The following CDH13 variants were observed in gnomAD, a reference collection of about 807,000 sequenced individuals.
CDH13 encodes the protein cadherin-13.
In CDH13, 24 loss-of-function variants were observed where a neutral mutation model predicts 63.8. The observed-to-expected ratio is 0.38, with a 90% CI of 0.27 to 0.53. The LOEUF (loss-of-function observed/expected upper bound fraction) is 0.53, where lower values mean the gene tolerates loss of function less well. Ranked by LOEUF, CDH13 falls within the 20% of genes least tolerant of loss-of-function variation. The pLI, the probability that CDH13 is intolerant of heterozygous loss-of-function variation, is 0.85. For synonymous variants in CDH13, 503 were observed against 355.3 expected, an observed-to-expected ratio of 1.42 and a Z score of -4.67; for missense variants, 1,049 against 903.1, an observed-to-expected ratio of 1.16 and a Z score of -2.07.
chr16:83,082,245 A>G (rs2033303029), intron 3 of CDH13, among the ~76,000 whole-genome samples: 2 of 152,192 alleles, frequency 1.3e-5, no homozygotes, highest in South Asian at 2.1e-4. Context: ...TCTTTCTCAC[A>G]TGCAAAATGT....
At chr16:83,593,727 C>T (rs927822965) in intron 7 of CDH13, among the ~76,000 whole-genome samples, 2 of 152,008 alleles carry the variant, frequency 1.3e-5, no homozygotes, top group African/African-American at 4.8e-5. Context: ...TGTTACATAG[C>T]TATGATGTCC....
chr16:82,680,679 T>C (rs1425783072), intron 1 of CDH13, among the ~76,000 whole-genome samples: 1 of 152,124 alleles, frequency 6.6e-6, no homozygotes, highest in East Asian at 1.9e-4. Flanking sequence ...ATGAATGACA[T>C]TTAATAGACT....
intron 1 of CDH13, among the ~76,000 whole-genome samples, chr16:82,855,568 T>C (rs1350477410): frequency 6.6e-6 from 1 of 152,198 alleles, no homozygotes; most frequent in Non-Finnish European, 1.5e-5. Flanking sequence ...CAGCAGATTT[T>C]TCTGACTCCT....
chr16:82,860,328 C>A lies in CDH13; in HGVS notation c.157+1855C>A, dbSNP rs578144764. Among the ~76,000 whole-genome samples, 5 of 129,086 alleles carry A rather than the reference C, an allele frequency of 3.9e-5. No homozygotes were observed. In the East Asian group the frequency reaches 7.1e-4, roughly 18 times the overall value. The allele number at this position is 129,086 out of a possible 152,430, so 84.7% of individuals were successfully genotyped here. A position where few individuals can be genotyped will look rare whatever the true frequency, so the allele number is the denominator to read the frequency against. The stretch of plus-strand genomic sequence containing the variant: ...GGAAACAATCATACTTTGGGGGGAT[C>A]TTTTTAATTTAAAGTAAGCCATACT... On this transcript the variant is annotated intron_variant, in intron 2 of 13. Coordinates refer to ENST00000567109, the MANE Select transcript of CDH13 (RefSeq NM_001257.5).
At chr16:82,882,938 A>G (rs1399945556) in intron 2 of CDH13, among the ~76,000 whole-genome samples, 6 of 152,148 alleles carry the variant, frequency 3.9e-5, no homozygotes, top group African/African-American at 1.4e-4. Flanking sequence ...CTACCCCTTT[A>G]ATGGGAGGGT....
chr16:83,327,830 A>G (rs1171787391), intron 5 of CDH13, among the ~76,000 whole-genome samples: 1 of 152,198 alleles, frequency 6.6e-6, no homozygotes, highest in Non-Finnish European at 1.5e-5. Context: ...AAAGACCCCA[A>G]AATAAAAATT....
intron 1 of CDH13, among the ~76,000 whole-genome samples, chr16:82,786,854 A>G (rs369563496): frequency 1.3e-5 from 2 of 152,082 alleles, no homozygotes; most frequent in African/African-American, 4.8e-5. Flanking sequence ...CTATGGCTGC[A>G]TAGTATTCCA....
At chr16:82,731,613 T>A (rs1294380062) in intron 1 of CDH13, among the ~76,000 whole-genome samples, 1 of 152,208 alleles carries the variant, frequency 6.6e-6, no homozygotes, top group African/African-American at 2.4e-5. Context: ...TTCATTTAAA[T>A]GGAAATGGCA....
chr16:83,777,152 G>A (rs991538994), intron 11 of CDH13, among the ~76,000 whole-genome samples: 2 of 152,208 alleles, frequency 1.3e-5, no homozygotes, highest in Non-Finnish European at 1.5e-5. Context: ...CCTGCCTGCA[G>A]GGTCTCACAT....
chr16:82,769,423 G>T (rs2035177692), intron 1 of CDH13, among the ~76,000 whole-genome samples: 1 of 152,148 alleles, frequency 6.6e-6, no homozygotes, highest in Non-Finnish European at 1.5e-5. Flanking sequence ...GTTAGAAAAT[G>T]GGGTATTAAA....
intron 2 of CDH13, among the ~76,000 whole-genome samples, chr16:83,006,458 C>T (rs1231510499): frequency 6.6e-6 from 1 of 152,082 alleles, no homozygotes; most frequent in Non-Finnish European, 1.5e-5. Context: ...CTTTCAGGGA[C>T]AAATCAAAGG....
chr16:82,959,728 A>G (rs904725294), intron 2 of CDH13, among the ~76,000 whole-genome samples: 1 of 152,238 alleles, frequency 6.6e-6, no homozygotes, highest in Admixed American at 6.5e-5. Context: ...ATATAAGTTT[A>G]TAAGTTCCTT....
intron 8 of CDH13, among the ~76,000 whole-genome samples, chr16:83,656,866 T>C (rs1041750171): frequency 6.6e-6 from 1 of 152,186 alleles, no homozygotes; most frequent in African/African-American, 2.4e-5. Context: ...GCATTTCATC[T>C]CTCCAAGTCA....
chr16:82,628,138 C>G (rs1351424588), intron 1 of CDH13, among the ~76,000 whole-genome samples: 1 of 152,194 alleles, frequency 6.6e-6, no homozygotes, highest in East Asian at 1.9e-4. Flanking sequence ...GGGGCACGCC[C>G]TGCGCTGCTC....
intron 4 of CDH13, among the ~76,000 whole-genome samples, chr16:83,188,693 T>A (rs950227075): frequency 6.6e-6 from 1 of 152,246 alleles, no homozygotes; most frequent in Non-Finnish European, 1.5e-5. Flanking sequence ...ATGAATATTA[T>A]TAAGTTTCCT....
At chr16:82,836,127 C>T (rs2549140) in intron 1 of CDH13, among the ~76,000 whole-genome samples, 136,525 of 152,178 alleles carry the variant, frequency 0.9, 62,272 homozygotes, top group East Asian at 0.99. Flanking sequence ...ATTTTGTTTG[C>T]TTGTTTTTGT....
At chr16:83,015,945 G>A (rs1914751550) in intron 2 of CDH13, among the ~76,000 whole-genome samples, 1 of 151,724 alleles carries the variant, frequency 6.6e-6, no homozygotes, top group Admixed American at 6.6e-5. Context: ...GTGGAAAGCA[G>A]CACAAAAGCC....
chr16:83,212,949 C>T (rs1480915289), intron 4 of CDH13, among the ~76,000 whole-genome samples: 6 of 152,208 alleles, frequency 3.9e-5, no homozygotes, highest in Admixed American at 3.3e-4. Flanking sequence ...CCCACCATTT[C>T]CCTGTGCTGG....
At chr16:82,765,436 T>C (rs184834407) in intron 1 of CDH13, among the ~76,000 whole-genome samples, 198 of 152,290 alleles carry the variant, frequency 1.3e-3, no homozygotes, top group Middle Eastern at 0.01. Flanking sequence ...CTACTCCTTC[T>C]ATTTTAACTG....
Sources: allele counts gnomAD v4.1 joint callset (sites outside exome capture counted in the v4.1 genomes callset), GRCh38; gene constraint gnomAD v4.1.1; transcripts MANE v1.5; gene names NCBI Gene and HGNC (gene_info 2026-07-23, HGNC 2026-07-21).